The following LETM2 variants were observed in gnomAD, a reference collection of about 807,000 sequenced individuals.
The protein encoded by LETM2 is leucine zipper and EF-hand containing transmembrane protein 2, also known as LETM1 domain-containing protein LETM2, mitochondrial.
LETM2 carries 58 observed loss-of-function variants against 59.6 expected under a neutral mutation model. The ratio of observed to expected loss-of-function variants is 0.97; its 90% CI spans 0.79 to 1.21. The LOEUF is 1.21. Among genes scored for constraint, LETM2 ranks in the 50% most tolerant of loss-of-function variants. The pLI is 0.00. For synonymous variants in LETM2, 199 were observed against 214.1 expected (o/e 0.93, Z 0.62); for missense variants, 572 against 575.7 (o/e 0.99, Z 0.07).
intron 5 of LETM2, 53 bp from the exon 6 acceptor site, chr8:38,400,800 G>T: frequency 6.6e-7 from 1 of 1,507,276 alleles, no homozygotes. Context: ...TATTGGGAAA[G>T]TTAAATTAAG....
At chr8:38,383,802 C>A (rs533927149), upstream of LETM2, among the ~76,000 whole-genome samples, 1 of 151,770 alleles carries the variant, frequency 6.6e-6, no homozygotes, top group South Asian at 2.1e-4. Context: ...TGGTGGGGGG[C>A]GCCTGTAGTC....
intron 7 of LETM2, among the ~76,000 whole-genome samples, chr8:38,403,694 T>C (rs1586021500): frequency 6.6e-6 from 1 of 152,206 alleles, no homozygotes; most frequent in African/African-American, 2.4e-5. Context: ...CCATGTTAGG[T>C]TACTTTTTCC....
rs376024769 is a variant in LETM2, at chr8:38,391,415, G to A, written c.48-1127G>A. Among the ~76,000 whole-genome samples the A allele has an allele frequency of 1.9e-3, 278 of 146,978 alleles. 1 individual carries two copies. Among genetic ancestry groups the A allele is most frequent in the African/African-American group, 6.7e-3 (267 of 39,800 alleles). Reference sequence around the variant, plus strand: ...CCTCCCAGGTTCAAGTGATTCTCCTGCCTCAGCCTCCCGAGTAGCTGGGAC... The same window carrying A: ...CCTCCCAGGTTCAAGTGATTCTCCTACCTCAGCCTCCCGAGTAGCTGGGAC... On this transcript the variant is annotated intron_variant, in intron 2 of 10. Coordinates refer to ENST00000379957, the MANE Select transcript of LETM2 (RefSeq NM_001286819.2).
At position 38,407,679 on chromosome 8, in the gene LETM2, T is replaced by G. The variant is rs566457791; in HGVS notation, c.1413+216T>G. Among the ~76,000 whole-genome samples the G allele has an allele frequency of 6.6e-5, 10 of 152,258 alleles. No homozygotes were observed. In the South Asian group the frequency reaches 1.9e-3, roughly 28 times the overall value. On this transcript the variant is annotated intron_variant, in intron 10 of 10. Transcript: ENST00000379957. ...AAAAATTGTGGGTCAGACTAAAACA[T>G]GCAAAGTGTAGAAGTCAGTTACAAT...
intron 4 of LETM2, among the ~76,000 whole-genome samples, chr8:38,397,594 T>C (rs1812790834): frequency 2.0e-5 from 3 of 152,164 alleles, no homozygotes; most frequent in Middle Eastern, 6.8e-3. Context: ...CAAAGTGATG[T>C]GTTGGGGTCA....
intron 6 of LETM2, 25 bp from the exon 7 acceptor site, chr8:38,402,500 A>T (rs1453936438): frequency 1.2e-6 from 2 of 1,611,886 alleles, no homozygotes; most frequent in Admixed American, 1.7e-5. Flanking sequence ...AAAAGTTCCA[A>T]CTCCATCCCT....
Position 38,392,591 on chromosome 8 carries a change from T to C in LETM2, c.97T>C (p.Cys33Arg), listed in dbSNP as rs949369805. Residue 33 changes from cysteine (C) to arginine (R), a missense_variant, in exon 3 of 11, where the codon TGT becomes CGT. Cys to Arg is a radical substitution (Grantham distance 180). Transcript: ENST00000379957. ...HPTCSSYSPS[C>R]AFLHLPDSHL... ...TACCTGCTCTTCTTATTCCCCATCA[T>C]GTGCATTTCTTCACTTGCCAGATTC... The C allele has an allele frequency of 3.1e-6, 5 of 1,613,254 alleles. No homozygotes were observed. The highest frequency in any genetic ancestry group is 2.2e-5 in the South Asian group (2 of 91,078).
At position 38,402,428 on chromosome 8, in the gene LETM2, C is replaced by T. The variant is rs183140126; in HGVS notation, c.985-97C>T. The T allele has an allele frequency of 6.9e-5, 98 of 1,411,694 alleles. 1 individual carries two copies. The East Asian group carries it at 2.1e-3, about 30-fold the overall frequency. The allele number at this position is 1,411,694 out of a possible 1,614,324, so 87.4% of individuals were successfully genotyped here. On this transcript the variant is annotated intron_variant, in intron 6 of 10. Coordinates refer to ENST00000379957, the MANE Select transcript of LETM2 (RefSeq NM_001286819.2). ...CAGCCAGTGCAGGGGACAAAGCATCCAAGCCTCTGATTCTGTTTCCACTGA... is the reference window on the plus strand; with the variant it reads ...CAGCCAGTGCAGGGGACAAAGCATCTAAGCCTCTGATTCTGTTTCCACTGA...
intron 2 of LETM2, among the ~76,000 whole-genome samples, chr8:38,391,290 T>G (rs1323963320): frequency 1.3e-5 from 2 of 148,662 alleles, no homozygotes; most frequent in African/African-American, 2.4e-5. Flanking sequence ...TTTTATTTTA[T>G]TTTATTTTAG....
At chr8:38,395,230 G>C (rs1812594532) in intron 4 of LETM2, among the ~76,000 whole-genome samples, 1 of 152,198 alleles carries the variant, frequency 6.6e-6, no homozygotes, top group African/African-American at 2.4e-5. Context: ...ACTCATTGGG[G>C]TAAATGCCTA....
intron 7 of LETM2, 145 bp downstream of exon 7, chr8:38,402,789 AG>A: frequency 1.3e-6 from 1 of 772,964 alleles, no homozygotes; most frequent in South Asian, 1.8e-5. Flanking sequence ...CTGAAGGACT[AG>A]GTTGATTTTT....
At chr8:38,402,446 T>C in intron 6 of LETM2, 79 bp from the exon 7 acceptor site, 9 of 1,516,512 alleles carry the variant, frequency 5.9e-6, no homozygotes, top group Non-Finnish European at 8.2e-6. Context: ...TGATTCTGTT[T>C]CCACTGATTT....
At position 38,407,006 on chromosome 8, in the gene LETM2, G is replaced by A; in HGVS notation, c.1279G>A (p.Val427Met). ...PTFTESKENM[V>M]DLAPQLKGTK... Reference sequence around the variant, plus strand: ...TTTCACTGAATCTAAAGAGAACATGGTGGATCTTGCACCTCAACTGAAGGG... The same window carrying A: ...TTTCACTGAATCTAAAGAGAACATGATGGATCTTGCACCTCAACTGAAGGG... Residue 427 changes from valine to methionine, a missense_variant, in exon 9 of 11, where the codon GTG (valine) becomes ATG (methionine). Coordinates refer to ENST00000379957, the MANE Select transcript of LETM2 (RefSeq NM_001286819.2). The A allele has an allele frequency of 6.2e-7, 1 of 1,611,810 alleles. No homozygotes were observed. Among genetic ancestry groups the A allele is most frequent in the Non-Finnish European group, 8.5e-7 (1 of 1,177,960 alleles).
rs1813166361 is a variant in LETM2, at chr8:38,401,000, C to G, written c.931C>G (p.Leu311Val). 3 of 1,614,038 alleles carry G rather than the reference C, an allele frequency of 1.9e-6. No homozygotes were observed. In the African/African-American group the frequency reaches 4.0e-5, roughly 22 times the overall value. The change falls in exon 6 of 11, where the codon CTG (leucine) becomes GTG (valine). Residue 311 changes from leucine to valine, a missense_variant. Transcript: ENST00000379957. The part of the protein sequence containing the change: ...LELQTFGTNN[L>V]LRFQLLMKLK... ...ATTGCAGACATTTGGAACCAACAAC[C>G]TGCTCCGCTTTCAGCTCCTGATGAA...
In LETM2 at chr8:38,393,782, T is replaced by C. The variant is rs1463840170; in HGVS notation, c.502-316T>C. ...CTTCAAGATAGCCCCTAAAAGTTAC[T>C]TCAGAGCTATGGTAAACAGGAAAAC... On this transcript the variant is annotated intron_variant, in intron 3 of 10. Coordinates refer to ENST00000379957, the MANE Select transcript of LETM2 (RefSeq NM_001286819.2). The C allele has an allele frequency of 1.2e-5, 3 of 240,696 alleles. No homozygotes were observed. In the East Asian group the frequency reaches 2.5e-4, roughly 20 times the overall value. The allele number at this position is 240,696 out of a possible 1,614,324, so 14.9% of individuals were successfully genotyped here. A position where few individuals can be genotyped will look rare whatever the true frequency, so the allele number is the denominator to read the frequency against.
intron 7 of LETM2, among the ~76,000 whole-genome samples, chr8:38,403,329 G>C (rs1451497520): frequency 1.3e-5 from 2 of 152,238 alleles, no homozygotes; most frequent in African/African-American, 4.8e-5. Context: ...GGGTATTGCA[G>C]GGACAAGGTG....
At chr8:38,405,813 C>G (rs1813669208) in intron 8 of LETM2, among the ~76,000 whole-genome samples, 1 of 152,174 alleles carries the variant, frequency 6.6e-6, no homozygotes, top group African/African-American at 2.4e-5. Context: ...AATCTGGGTT[C>G]TCAGAATTAT....
At chr8:38,385,900 T>C (rs1811754908), upstream of LETM2, among the ~76,000 whole-genome samples, 1 of 152,222 alleles carries the variant, frequency 6.6e-6, no homozygotes. Flanking sequence ...GAGATTTCTA[T>C]ACAAATTATT....
At chr8:38,402,122 T>C (rs1277277700) in intron 6 of LETM2, among the ~76,000 whole-genome samples, 2 of 152,058 alleles carry the variant, frequency 1.3e-5, no homozygotes, top group African/African-American at 4.8e-5. Context: ...CTGGGGGTGT[T>C]GGGGGGACAG....
Sources: allele counts gnomAD v4.1 joint callset (sites outside exome capture counted in the v4.1 genomes callset), GRCh38; gene constraint gnomAD v4.1.1; transcripts MANE v1.5; gene names NCBI Gene and HGNC (gene_info 2026-07-23, HGNC 2026-07-21).